Variants in IL1RAPL1 observed in about 807,000 individuals in gnomAD.
The protein encoded by IL1RAPL1 is interleukin-1 receptor accessory protein-like 1.
A neutral mutation model predicts 48.4 loss-of-function variants in IL1RAPL1; 3 were observed. The ratio of observed to expected loss-of-function variants is 0.06; its 90% confidence interval spans 0.03 to 0.16. The LOEUF is 0.16. Among genes scored for constraint, IL1RAPL1 ranks in the 10% least tolerant of loss-of-function variants. IL1RAPL1 has a pLI of 1.00. For synonymous variants in IL1RAPL1, 185 were observed against 187.7 expected, an observed-to-expected ratio of 0.99 and a Z score of 0.12; for missense variants, 349 against 530.6, an observed-to-expected ratio of 0.66 and a Z score of 3.36.
intron 1 of IL1RAPL1, among the ~76,000 whole-genome samples, chrX:28,707,916 C>T (rs983114460): frequency 3.6e-5 from 4 of 111,646 alleles, no homozygotes; most frequent in African/African-American, 1.3e-4. Context: ...TAATGAGATG[C>T]GTGTGGATAA....
intron 6 of IL1RAPL1, among the ~76,000 whole-genome samples, chrX:29,899,455 G>GAAAT (rs1932456009): frequency 9.0e-6 from 1 of 110,732 alleles, no homozygotes; most frequent in African/African-American, 3.3e-5. Flanking sequence ...GTTGCAAAGA[G>GAAAT]AAATAAATAA....
At chrX:29,332,525 G>C (rs1184901370) in intron 3 of IL1RAPL1, among the ~76,000 whole-genome samples, 6 of 102,348 alleles carry the variant, frequency 5.9e-5, no homozygotes, top group African/African-American at 2.1e-4. Context: ...TGACTTGGTT[G>C]CCAATATTTG....
At chrX:28,722,821 A>G (rs369034537) in intron 1 of IL1RAPL1, among the ~76,000 whole-genome samples, 10 of 111,535 alleles carry the variant, frequency 9.0e-5, no homozygotes, top group African/African-American at 3.3e-4. Context: ...GAATTTTGTC[A>G]AAGGCCTTTT....
At chrX:28,821,436 G>T (rs768998488) in intron 2 of IL1RAPL1, among the ~76,000 whole-genome samples, 1 of 107,638 alleles carries the variant, frequency 9.3e-6, no homozygotes. Context: ...TCCAGTAACA[G>T]TATGTAAAAT....
At chrX:29,734,128 G>T (rs1927987734) in intron 6 of IL1RAPL1, among the ~76,000 whole-genome samples, 1 of 112,623 alleles carries the variant, frequency 8.9e-6, no homozygotes, top group South Asian at 3.6e-4. Flanking sequence ...ATCATCTGAA[G>T]AAATTATTAT....
At chrX:29,604,496 T>G (rs1923825681) in intron 5 of IL1RAPL1, among the ~76,000 whole-genome samples, 1 of 111,340 alleles carries the variant, frequency 9.0e-6, no homozygotes, top group Non-Finnish European at 1.9e-5. Flanking sequence ...TGGAGTGCAG[T>G]GATGCGATCT....
chrX:29,241,450 G>T (rs1260124734), intron 2 of IL1RAPL1, among the ~76,000 whole-genome samples: 1 of 111,516 alleles, frequency 9.0e-6, no homozygotes, highest in Admixed American at 9.6e-5. Flanking sequence ...CTGAAGTCCT[G>T]GATCATGCAC....
intron 5 of IL1RAPL1, among the ~76,000 whole-genome samples, chrX:29,506,438 T>TCCTCCTCCTCCTCCTC (rs1556025757): frequency 3.9e-4 from 35 of 90,634 alleles, no homozygotes; most frequent in Middle Eastern, 0.013. Flanking sequence ...TCCTTCTCCT[T>TCCTCCTCCTCCTCCTC]CTCCTCCTCC....
chrX:29,344,614 C>G (rs1360162226), intron 3 of IL1RAPL1, among the ~76,000 whole-genome samples: 1 of 111,618 alleles, frequency 9.0e-6, no homozygotes, highest in Non-Finnish European at 1.9e-5. Context: ...CCAACTTCTC[C>G]AGAGGTAACC....
intron 5 of IL1RAPL1, among the ~76,000 whole-genome samples, chrX:29,449,201 T>C (rs1281516641): frequency 1.8e-5 from 2 of 111,986 alleles, no homozygotes; most frequent in African/African-American, 6.5e-5. Flanking sequence ...CCAAGATTAG[T>C]GGCTGCAGGG....
At chrX:29,639,740 G>T (rs1925107778) in intron 5 of IL1RAPL1, among the ~76,000 whole-genome samples, 1 of 110,392 alleles carries the variant, frequency 9.1e-6, no homozygotes, top group African/African-American at 3.3e-5. Flanking sequence ...ATACCACAGG[G>T]ACTGGCTGGT....
intron 5 of IL1RAPL1, among the ~76,000 whole-genome samples, chrX:29,406,637 G>A (rs1602220112): frequency 9.0e-6 from 1 of 110,711 alleles, no homozygotes; most frequent in East Asian, 2.8e-4. Flanking sequence ...ATACTACCGA[G>A]TTTTACATAA....
chrX:28,685,496 G>A (rs1601858799), intron 1 of IL1RAPL1, among the ~76,000 whole-genome samples: 1 of 112,040 alleles, frequency 8.9e-6, no homozygotes, highest in African/African-American at 3.2e-5. Context: ...AAATTAACTT[G>A]TAAATTTCCA....
chrX:28,716,155 A>C (rs902504117), intron 1 of IL1RAPL1, among the ~76,000 whole-genome samples: 17 of 112,108 alleles, frequency 1.5e-4, no homozygotes, highest in African/African-American at 5.5e-4. Context: ...TTAAAAACTC[A>C]CAATAAACTA....
At chrX:29,859,883 T>C (rs969735230) in intron 6 of IL1RAPL1, among the ~76,000 whole-genome samples, 6 of 112,135 alleles carry the variant, frequency 5.4e-5, no homozygotes, top group Non-Finnish European at 5.6e-5. Context: ...TACATTGATA[T>C]GCTTTTAACT....
At chrX:28,602,848 A>G (rs1469064013) in intron 1 of IL1RAPL1, among the ~76,000 whole-genome samples, 4 of 111,633 alleles carry the variant, frequency 3.6e-5, no homozygotes, top group Non-Finnish European at 1.9e-5. Context: ...AAGCCTCATC[A>G]TGTGGCTTCA....
chrX:29,550,623 G>A (rs1460632537), intron 5 of IL1RAPL1, among the ~76,000 whole-genome samples: 1 of 108,727 alleles, frequency 9.2e-6, no homozygotes, highest in Non-Finnish European at 1.9e-5. Flanking sequence ...TTTTTCTGTT[G>A]ACTTCTTCAC....
intron 6 of IL1RAPL1, among the ~76,000 whole-genome samples, chrX:29,705,360 G>A (rs572717131): frequency 2.7e-5 from 3 of 110,834 alleles, no homozygotes; most frequent in African/African-American, 6.6e-5. Flanking sequence ...GATTACAGGC[G>A]CCCACCACCA....
chrX:28,965,490 T>G (rs1287047959), intron 2 of IL1RAPL1, among the ~76,000 whole-genome samples: 1 of 111,968 alleles, frequency 8.9e-6, no homozygotes, highest in African/African-American at 3.2e-5. Flanking sequence ...TCAGTTCTTT[T>G]ACCTAGTAGA....
Sources: gnomAD v4.1 joint callset for allele counts (sites outside exome capture counted in the v4.1 genomes callset) on GRCh38, gnomAD v4.1.1 for gene constraint, MANE v1.5 for transcripts, NCBI Gene and HGNC (gene_info 2026-07-23, HGNC 2026-07-21) for gene names.